Variants in DNAJC1 observed in about 807,000 individuals in gnomAD.
DNAJC1 encodes the protein dnaJ homolog subfamily C member 1.
Under a neutral mutation model 76.6 loss-of-function variants are expected in DNAJC1, and 58 were observed. The ratio of observed to expected loss-of-function variants is 0.76; its 90% CI spans 0.61 to 0.94. The LOEUF is 0.94. DNAJC1 is among the 40% of genes least tolerant of loss of function. DNAJC1 has a pLI of 0.00. For missense variants in DNAJC1, 689 were observed against 677.3 expected, an observed-to-expected ratio of 1.02 and a Z score of -0.19; for synonymous variants, 258 against 267.9, an observed-to-expected ratio of 0.96 and a Z score of 0.36.
rs746909810 is a variant in DNAJC1 at position 21,856,582 on chromosome 10, CT to C, written c.978+25699del. On this transcript the variant is annotated intron_variant, in intron 8 of 11. Transcript: ENST00000376980. ...AACTGGCAACTGTCACAAATCAAGG[CT>C]TTTTTTCCTCCTAAGAACCAATTAA... is the stretch of plus-strand genomic sequence containing the variant. 2.6e-5 allele frequency among the ~76,000 whole-genome samples: 4 copies of C among 152,080 alleles called. No individual in the cohort carries two copies. The East Asian group carries it at 7.7e-4, about 29-fold the overall frequency.
chr10:21,946,673 C>T (rs1273115210), intron 1 of DNAJC1, among the ~76,000 whole-genome samples: 3 of 152,076 alleles, frequency 2.0e-5, no homozygotes, highest in Non-Finnish European at 2.9e-5. Flanking sequence ...AGTACATACG[C>T]AACAGAAATG....
chr10:21,809,215 A>G (rs1834927225), intron 8 of DNAJC1, among the ~76,000 whole-genome samples: 1 of 152,114 alleles, frequency 6.6e-6, no homozygotes, highest in Admixed American at 6.6e-5. Context: ...AGAAAGCATC[A>G]TATAATTTAT....
At chr10:21,979,301 A>G (rs894900519) in intron 1 of DNAJC1, among the ~76,000 whole-genome samples, 2 of 151,994 alleles carry the variant, frequency 1.3e-5, no homozygotes, top group African/African-American at 2.4e-5. Context: ...CTGCAAAGAC[A>G]TTTCCTTCAT....
In DNAJC1 at chr10:21,850,484, G is replaced by A. The variant is rs117209675; in HGVS notation, c.978+31798C>T. ...TAAAGGAGACAGAAATAAATGGAAC[G>A]ACATCCCATGTTCATGTATTGGAAT... On this transcript the variant is annotated intron_variant, in intron 8 of 11. Coordinates refer to ENST00000376980, the MANE Select transcript of DNAJC1 (RefSeq NM_022365.4). 3.3e-5 allele frequency among the ~76,000 whole-genome samples: 5 copies of A among 151,002 alleles called. No homozygotes were observed. In the East Asian group the frequency reaches 7.8e-4, roughly 23 times the overall value.
intron 7 of DNAJC1, among the ~76,000 whole-genome samples, chr10:21,898,838 A>G (rs1179796079): frequency 6.8e-6 from 1 of 146,804 alleles, no homozygotes; most frequent in Non-Finnish European, 1.5e-5. Context: ...CTACTTACTA[A>G]AAAAAAAAAA....
chr10:21,911,271 G>GT (rs1342734626), intron 6 of DNAJC1, among the ~76,000 whole-genome samples: 1 of 151,950 alleles, frequency 6.6e-6, no homozygotes, highest in African/African-American at 2.4e-5. Flanking sequence ...CTTCTCTTTC[G>GT]TTTGAGGCTT....
chr10:21,806,716 A>G (rs1481157364), intron 8 of DNAJC1, among the ~76,000 whole-genome samples: 1 of 149,886 alleles, frequency 6.7e-6, no homozygotes, highest in Non-Finnish European at 1.5e-5. Flanking sequence ...TTTTTTTTTT[A>G]AACTTCGGAA....
At chr10:21,986,393 C>A (rs1795436109) in intron 1 of DNAJC1, among the ~76,000 whole-genome samples, 1 of 152,096 alleles carries the variant, frequency 6.6e-6, no homozygotes, top group Non-Finnish European at 1.5e-5. Flanking sequence ...ATTTGCATTT[C>A]TTTAATAACT....
chr10:21,770,632 G>A (rs1328037162), intron 9 of DNAJC1, among the ~76,000 whole-genome samples: 2 of 151,860 alleles, frequency 1.3e-5, no homozygotes, highest in African/African-American at 4.8e-5. Context: ...CTCCTGACCT[G>A]AGGTGATCCG....
At position 21,932,512 on chromosome 10, in the gene DNAJC1, T is replaced by C. The variant is rs536021581; in HGVS notation, c.223-3371A>G. Among the ~76,000 whole-genome samples, 5 of 152,338 alleles carry C rather than the reference T, an allele frequency of 3.3e-5. No homozygotes were observed. In the South Asian group the frequency reaches 1.0e-3, roughly 32 times the overall value. On this transcript the variant is annotated intron_variant, in intron 1 of 11. Transcript: ENST00000376980. ...GTCAGAATCAACTTTATCTGATCTC[T>C]AAAAACCTGTCAAAATTTACAGCAA...
chr10:21,846,513 G>T (rs1347923340), intron 8 of DNAJC1, among the ~76,000 whole-genome samples: 1 of 152,106 alleles, frequency 6.6e-6, no homozygotes, highest in Non-Finnish European at 1.5e-5. Flanking sequence ...ATATGCAGAG[G>T]TATTAGAAAA....
At chr10:21,882,888 G>T (rs1221780199) in intron 7 of DNAJC1, among the ~76,000 whole-genome samples, 2 of 152,028 alleles carry the variant, frequency 1.3e-5, no homozygotes, top group Non-Finnish European at 2.9e-5. Flanking sequence ...TTTTACAAAG[G>T]TGAAATATGA....
chr10:21,954,718 A>G (rs1384707479), intron 1 of DNAJC1, among the ~76,000 whole-genome samples: 3 of 152,200 alleles, frequency 2.0e-5, no homozygotes, highest in Non-Finnish European at 4.4e-5. Context: ...AGCAGCCAAC[A>G]TTCCTACTAT....
intron 11 of DNAJC1, among the ~76,000 whole-genome samples, chr10:21,758,218 T>C (rs1209309357): frequency 1.3e-5 from 2 of 151,922 alleles, no homozygotes; most frequent in Non-Finnish European, 2.9e-5. Context: ...TTAAAAAAAA[T>C]AAGAATGTAA....
intron 8 of DNAJC1, among the ~76,000 whole-genome samples, chr10:21,833,646 G>C (rs1280170769): frequency 6.6e-6 from 1 of 152,092 alleles, no homozygotes; most frequent in Non-Finnish European, 1.5e-5. Context: ...AAATGGAGTT[G>C]CTGTGAGAAT....
Position 21,911,989 on chromosome 10 carries a change from T to C in DNAJC1, c.729+6790A>G, listed in dbSNP as rs920671485. Among the ~76,000 whole-genome samples, 5 of 152,326 alleles carry C rather than the reference T, an allele frequency of 3.3e-5. No individual in the cohort carries two copies. In the South Asian group the frequency reaches 6.2e-4, roughly 19 times the overall value. ...GTTTCCGGAGGTTAGGTATATTTAA[T>C]GTATTTGCAACTTAGGGTATTTTCT... is the stretch of plus-strand genomic sequence containing the variant. On this transcript the variant is annotated intron_variant, in intron 6 of 11. Transcript: ENST00000376980.
intron 7 of DNAJC1, among the ~76,000 whole-genome samples, chr10:21,894,762 T>C (rs533599007): frequency 5.3e-5 from 8 of 152,302 alleles, no homozygotes; most frequent in African/African-American, 1.9e-4. Flanking sequence ...AGTGATTATG[T>C]CATGAGGGCT....
At chr10:21,844,261 T>C (rs559875669) in intron 8 of DNAJC1, among the ~76,000 whole-genome samples, 32 of 147,806 alleles carry the variant, frequency 2.2e-4, no homozygotes, top group Admixed American at 5.3e-4. Flanking sequence ...CCACCACACC[T>C]GGCTAATTTT....
chr10:21,907,515 T>C (rs1444784674), intron 6 of DNAJC1, among the ~76,000 whole-genome samples: 1 of 152,084 alleles, frequency 6.6e-6, no homozygotes, highest in Non-Finnish European at 1.5e-5. Context: ...AAAAGGAAAG[T>C]GATTAAATAG....
Sources: gnomAD v4.1 joint callset for allele counts (sites outside exome capture counted in the v4.1 genomes callset) on GRCh38, gnomAD v4.1.1 for gene constraint, MANE v1.5 for transcripts, NCBI Gene and HGNC (gene_info 2026-07-23, HGNC 2026-07-21) for gene names.